Variants in BDH2 observed in about 807,000 individuals in gnomAD.
BDH2 encodes 3-hydroxybutyrate dehydrogenase 2, also known as dehydrogenase/reductase SDR family member 6.
BDH2 carries 24 observed loss-of-function variants against 33.2 expected under a neutral mutation model. The observed-to-expected ratio is 0.72, with a 90% CI of 0.52 to 1.02. BDH2 has a LOEUF of 1.02. Ranked by LOEUF, BDH2 falls within the 50% of genes least tolerant of loss-of-function variation. BDH2 has a pLI of 0.00. For synonymous variants in BDH2, 81 were observed against 101.6 expected, an observed-to-expected ratio of 0.80 and a Z score of 1.22; for missense variants, 249 against 301.6, an observed-to-expected ratio of 0.83 and a Z score of 1.29.
At chr4:103,087,829 G>A (rs999742915) in intron 5 of BDH2, among the ~76,000 whole-genome samples, 9 of 152,018 alleles carry the variant, frequency 5.9e-5, no homozygotes, top group African/African-American at 2.2e-4. Context: ...CAGTGTAAAG[G>A]GCCAGAGAAA....
chr4:103,096,343 T>G (rs778086515), intron 1 of BDH2, 69 bp from the exon 2 acceptor site: 2 of 982,900 alleles, frequency 2.0e-6, no homozygotes, highest in Non-Finnish European at 1.6e-6. Flanking sequence ...ACATCTAGAA[T>G]GAATAGTTCA....
intron 1 of BDH2, among the ~76,000 whole-genome samples, chr4:103,097,345 T>G (rs943305270): frequency 2.0e-5 from 3 of 152,224 alleles, no homozygotes; most frequent in Non-Finnish European, 2.9e-5. Flanking sequence ...TGAGAAACAC[T>G]GACACCGGGG....
intron 5 of BDH2, among the ~76,000 whole-genome samples, chr4:103,087,875 G>A (rs1293802563): frequency 6.6e-6 from 1 of 152,198 alleles, no homozygotes; most frequent in Non-Finnish European, 1.5e-5. Flanking sequence ...TTCTTTAGCA[G>A]CTTTTAGAAA....
intron 7 of BDH2, 58 bp from the exon 8 acceptor site, chr4:103,082,987 T>C (rs972001811): frequency 7.7e-6 from 11 of 1,419,916 alleles, no homozygotes; most frequent in Non-Finnish European, 1.1e-5. Flanking sequence ...AAGAAATCGA[T>C]AACTAAACTT....
rs531314932 is a variant in BDH2 at position 103,080,992 on chromosome 4, A to G, written c.684+1089T>C. 9.8e-5 allele frequency among the ~76,000 whole-genome samples: 15 copies of G among 152,286 alleles called. No individual in the cohort carries two copies. In the South Asian group the frequency reaches 3.1e-3, roughly 32 times the overall value. On this transcript the variant is annotated intron_variant, in intron 9 of 9. Transcript: ENST00000296424. ...ATCCCTGTATTTGTCACATTCACCA[A>G]CTATCTGGTGTGCACCAAGTTACTG...
intron 5 of BDH2, among the ~76,000 whole-genome samples, chr4:103,087,412 C>T (rs1329570918): frequency 2.0e-5 from 3 of 152,150 alleles, no homozygotes; most frequent in Admixed American, 1.3e-4. Context: ...CTGATGCAGG[C>T]TTCAGGAAAG....
At chr4:103,085,104 T>A (rs1747713439) in intron 7 of BDH2, among the ~76,000 whole-genome samples, 1 of 152,196 alleles carries the variant, frequency 6.6e-6, no homozygotes, top group Non-Finnish European at 1.5e-5. Flanking sequence ...CACACCCCTA[T>A]AGTTATTAAG....
chr4:103,079,226 G>A lies in BDH2; in HGVS notation c.*476C>T, dbSNP rs932960482. On this transcript the variant is annotated 3_prime_UTR_variant, in exon 10 of 10. Coordinates refer to ENST00000296424, the MANE Select transcript of BDH2 (RefSeq NM_020139.4). ...TGTCCTTATAAAAAGACACATGAGC[G>A]CTCGCTTTTTTTCTCTGCTCTTGCT... 1.3e-5 allele frequency among the ~76,000 whole-genome samples: 2 copies of A among 152,050 alleles called. No homozygotes were observed. Among genetic ancestry groups the A allele is most frequent in the African/African-American group, 4.8e-5 (2 of 41,386 alleles).
At chr4:103,099,489 T>C (rs1748550630) in intron 1 of BDH2, 1 of 152,176 alleles carries the variant, frequency 6.6e-6, no homozygotes, top group African/African-American at 2.4e-5. Context: ...AGAATCAAAA[T>C]GTTGATTTTT....
At position 103,091,260 on chromosome 4, in the gene BDH2, C is replaced by T; in HGVS notation, c.274G>A (p.Asp92Asn). Residue 92 changes from aspartate to asparagine, a missense_variant, in exon 5 of 10, where the codon GAT becomes AAT. By Grantham distance (23) the Asp-to-Asn change is conservative. Transcript: ENST00000296424. Reference sequence around the variant, plus strand: ...AAGTCCCAGTCTTTCTCCTCACAATCCAGGACAGTTCCATGATGGACAAAA... The same window carrying T: ...AAGTCCCAGTCTTTCTCCTCACAATTCAGGACAGTTCCATGATGGACAAAA... ...AGFVHHGTVL[D>N]CEEKDWDFSM... 6.2e-7 allele frequency: 1 copy of T among 1,613,176 alleles called. No individual in the cohort carries two copies. Among genetic ancestry groups the T allele is most frequent in the Non-Finnish European group, 8.5e-7 (1 of 1,179,300 alleles).
intron 7 of BDH2, among the ~76,000 whole-genome samples, chr4:103,083,517 ATAATT>A (rs956079355): frequency 2.0e-5 from 3 of 152,246 alleles, no homozygotes; most frequent in African/African-American, 7.2e-5. Context: ...AATCAAAAAT[ATAATT>A]TAATCTAATT....
intron 2 of BDH2, among the ~76,000 whole-genome samples, chr4:103,095,548 T>C (rs1453122269): frequency 1.3e-5 from 2 of 152,190 alleles, no homozygotes; most frequent in African/African-American, 4.8e-5. Context: ...CTTAAAAAAA[T>C]GACAGCTGTT....
At position 103,079,016 on chromosome 4, in the gene BDH2, C is replaced by A. The variant is rs1260513256; in HGVS notation, c.*686G>T. 6.6e-6 allele frequency among the ~76,000 whole-genome samples: 1 copy of A among 152,074 alleles called. No homozygotes were observed. The highest frequency in any genetic ancestry group is 1.5e-5 in the Non-Finnish European group (1 of 67,980). ...CTTCTTCCTTAACCCCCATCTCCCC[C>A]ACAAAAAAACAAAAACTTCCTTTTT... On this transcript the variant is annotated 3_prime_UTR_variant, in exon 10 of 10. Transcript: ENST00000296424.
At chr4:103,080,880 T>C (rs982219709) in intron 9 of BDH2, among the ~76,000 whole-genome samples, 1 of 152,230 alleles carries the variant, frequency 6.6e-6, no homozygotes, top group Non-Finnish European at 1.5e-5. Flanking sequence ...TAAACATTTG[T>C]CTATTAATTT....
chr4:103,085,558 A>T (rs1440021890), intron 6 of BDH2, 96 bp from the exon 7 acceptor site: 2 of 1,427,024 alleles, frequency 1.4e-6, no homozygotes, highest in African/African-American at 2.9e-5. Context: ...AGCCATTTTC[A>T]TGCTTTCTCC....
At position 103,083,993 on chromosome 4, in the gene BDH2, C is replaced by A. The variant is rs141497786; in HGVS notation, c.533-1064G>T. Among the ~76,000 whole-genome samples the A allele has an allele frequency of 6.9e-3, 1,057 of 152,280 alleles. 7 individuals carry two copies. The highest frequency in any genetic ancestry group is 0.024 in the Middle Eastern group (7 of 294). On this transcript the variant is annotated intron_variant, in intron 7 of 9. Transcript: ENST00000296424. ...ATCACCTTAATTAGATCACCCAGTT[C>A]ATTAGGAACATCTTCTACCTTCACA...
intron 1 of BDH2, chr4:103,099,081 G>A (rs750521228): frequency 6.6e-6 from 1 of 152,096 alleles, no homozygotes; most frequent in African/African-American, 2.4e-5. Flanking sequence ...TATAACTTTA[G>A]AAAGATATAC....
At chr4:103,086,264 C>T (rs1747775934) in intron 6 of BDH2, 1 of 1,296,626 alleles carries the variant, frequency 7.7e-7, no homozygotes, top group East Asian at 3.0e-5. Context: ...AAAGGGAGGG[C>T]AAAAATACCC....
chr4:103,083,639 C>T (rs531740165), intron 7 of BDH2, among the ~76,000 whole-genome samples: 124 of 151,492 alleles, frequency 8.2e-4, no homozygotes, highest in Non-Finnish European at 1.5e-3. Context: ...TTTTTGTTAA[C>T]GGACATAAAC....
Sources: allele counts gnomAD v4.1 joint callset (sites outside exome capture counted in the v4.1 genomes callset), GRCh38; gene constraint gnomAD v4.1.1; transcripts MANE v1.5; gene names NCBI Gene and HGNC (gene_info 2026-07-23, HGNC 2026-07-21).